The following CTNND2 variants were observed in gnomAD, a reference collection of about 807,000 sequenced individuals.
The protein encoded by CTNND2 is catenin delta-2.
CTNND2 carries 22 observed loss-of-function variants against 144.4 expected under a neutral mutation model. That is an observed-to-expected ratio of 0.15 (90% CI 0.11 to 0.22). The LOEUF (loss-of-function observed/expected upper bound fraction) is 0.22, where lower values mean the gene tolerates loss of function less well. Among genes scored for constraint, CTNND2 ranks in the 10% least tolerant of loss-of-function variants. The pLI, the probability that CTNND2 is intolerant of heterozygous loss-of-function variation, is 1.00. For synonymous variants in CTNND2, 751 were observed against 695.6 expected (o/e 1.08, Z -1.25); for missense variants, 1,353 against 1,618.8 (o/e 0.84, Z 2.82).
At chr5:11,485,022 A>G (rs1259721579) in intron 3 of CTNND2, among the ~76,000 whole-genome samples, 2 of 152,216 alleles carry the variant, frequency 1.3e-5, no homozygotes, top group Non-Finnish European at 2.9e-5. Flanking sequence ...AAAATCTTTA[A>G]GAACAAATTT....
At chr5:11,203,641 C>T (rs1431206483) in intron 10 of CTNND2, among the ~76,000 whole-genome samples, 6 of 152,156 alleles carry the variant, frequency 3.9e-5, no homozygotes, top group Non-Finnish European at 8.8e-5. Flanking sequence ...TCCCAAATTG[C>T]TGGGATTACA....
chr5:11,287,160 G>A (rs1461746466), intron 9 of CTNND2, among the ~76,000 whole-genome samples: 1 of 152,226 alleles, frequency 6.6e-6, no homozygotes, highest in African/African-American at 2.4e-5. Context: ...CACAGATACA[G>A]TATTTGGTCA....
intron 2 of CTNND2, among the ~76,000 whole-genome samples, chr5:11,677,580 T>C (rs1784233491): frequency 1.3e-5 from 2 of 152,174 alleles, no homozygotes; most frequent in Non-Finnish European, 1.5e-5. Flanking sequence ...GGAACCGGCT[T>C]TAAGCAAAAA....
At chr5:11,256,667 TAG>T (rs1298298958) in intron 9 of CTNND2, among the ~76,000 whole-genome samples, 9 of 152,216 alleles carry the variant, frequency 5.9e-5, no homozygotes, top group Non-Finnish European at 8.8e-5. Context: ...TGGCTTACCA[TAG>T]CTCCTCCTTA....
chr5:11,118,684 A>G (rs537233140), intron 12 of CTNND2, among the ~76,000 whole-genome samples: 1 of 152,354 alleles, frequency 6.6e-6, no homozygotes, highest in South Asian at 2.1e-4. Flanking sequence ...CATGAGGCAG[A>G]TCCCAAGGAT....
intron 11 of CTNND2, among the ~76,000 whole-genome samples, chr5:11,187,345 C>T (rs1735736664): frequency 6.6e-6 from 1 of 152,106 alleles, no homozygotes; most frequent in Non-Finnish European, 1.5e-5. Context: ...CAAAAACAAG[C>T]AACAGGGAAA....
intron 9 of CTNND2, among the ~76,000 whole-genome samples, chr5:11,250,483 CTCTCTCTCTA>C (rs1368145355): frequency 1.5e-4 from 10 of 65,426 alleles, no homozygotes; most frequent in South Asian, 1.1e-3. Context: ...CTCTCTCTCT[CTCTCTCTCTA>C]TATATATATA....
At chr5:11,550,757 A>T (rs1775682621) in intron 3 of CTNND2, among the ~76,000 whole-genome samples, 1 of 152,222 alleles carries the variant, frequency 6.6e-6, no homozygotes, top group African/African-American at 2.4e-5. Context: ...GATAAAAGGG[A>T]ATTAGAATAC....
intron 3 of CTNND2, among the ~76,000 whole-genome samples, chr5:11,426,685 A>G (rs1040595013): frequency 2.6e-5 from 4 of 152,314 alleles, no homozygotes; most frequent in South Asian, 2.1e-4. Context: ...TGGCAGCTCC[A>G]AAAGACCACA....
chr5:11,618,272 C>G (rs1780672008), intron 2 of CTNND2, among the ~76,000 whole-genome samples: 1 of 152,158 alleles, frequency 6.6e-6, no homozygotes, highest in African/African-American at 2.4e-5. Context: ...AAATATATTA[C>G]TATAACTACA....
intron 1 of CTNND2, among the ~76,000 whole-genome samples, chr5:11,740,461 T>C (rs181537532): frequency 0.023 from 3,544 of 152,234 alleles, 57 homozygotes; most frequent in Non-Finnish European, 0.033. Flanking sequence ...ATTTAATAAA[T>C]GGTGCTGGGA....
intron 3 of CTNND2, among the ~76,000 whole-genome samples, chr5:11,514,980 T>C (rs1273761752): frequency 6.6e-6 from 1 of 152,128 alleles, no homozygotes; most frequent in African/African-American, 2.4e-5. Flanking sequence ...GCAAGTACTT[T>C]TTTGCATCAC....
chr5:11,312,552 A>G (rs1198619028), intron 9 of CTNND2, among the ~76,000 whole-genome samples: 2 of 152,004 alleles, frequency 1.3e-5, no homozygotes, highest in African/African-American at 4.8e-5. Context: ...CCATGATTCA[A>G]TTACCTTCCC....
intron 1 of CTNND2, among the ~76,000 whole-genome samples, chr5:11,785,350 T>A (rs1043707925): frequency 4.6e-5 from 7 of 152,192 alleles, no homozygotes; most frequent in Non-Finnish European, 1.0e-4. Context: ...TCATGAATAA[T>A]GATGGCTGGA....
At chr5:11,801,187 A>G (rs1191654250) in intron 1 of CTNND2, among the ~76,000 whole-genome samples, 3 of 152,196 alleles carry the variant, frequency 2.0e-5, no homozygotes, top group Non-Finnish European at 4.4e-5. Flanking sequence ...ATGTCTTGTT[A>G]GCTGATGGGT....
chr5:11,364,564 T>C (rs1756777991), intron 8 of CTNND2, 132 bp downstream of exon 8: 2 of 616,524 alleles, frequency 3.2e-6, no homozygotes, highest in South Asian at 5.4e-5. Context: ...CAGACATTGA[T>C]AGAAGCAGGT....
At chr5:11,830,275 T>C (rs190222002) in intron 1 of CTNND2, among the ~76,000 whole-genome samples, 18 of 152,240 alleles carry the variant, frequency 1.2e-4, no homozygotes, top group Middle Eastern at 3.4e-3. Context: ...AGTTTTGAAA[T>C]GTGAGGACAT....
At chr5:11,182,548 A>C (rs962397612) in intron 11 of CTNND2, among the ~76,000 whole-genome samples, 3 of 151,358 alleles carry the variant, frequency 2.0e-5, no homozygotes, top group Admixed American at 6.6e-5. Flanking sequence ...GATGGCTTCA[A>C]AACTCTTAAT....
At position 11,397,202 on chromosome 5, in the gene CTNND2, C is replaced by T; in HGVS notation, c.441G>A (p.Arg147=). 1.9e-6 allele frequency: 3 copies of T among 1,613,494 alleles called. No individual in the cohort carries two copies. Among genetic ancestry groups the T allele is most frequent in the Non-Finnish European group, 2.5e-6 (3 of 1,179,582 alleles). The change falls in exon 6 of 22, where the codon AGG becomes AGA. Residue 147 remains arginine, a splice_region_variant and synonymous_variant. Coordinates refer to ENST00000304623, the MANE Select transcript of CTNND2 (RefSeq NM_001332.4). ...LDPQDYSTGE[R]PSLLSQSALQ... ...GTGCACTCTGGGAGAGCAGGCTGGGCCCTGCATTGAAAGTCATTTAGAGCA... is the reference window on the plus strand; with the variant it reads ...GTGCACTCTGGGAGAGCAGGCTGGGTCCTGCATTGAAAGTCATTTAGAGCA...
Sources: allele counts gnomAD v4.1 joint callset (sites outside exome capture counted in the v4.1 genomes callset), GRCh38; gene constraint gnomAD v4.1.1; transcripts MANE v1.5; gene names NCBI Gene and HGNC (gene_info 2026-07-23, HGNC 2026-07-21).